The following SBNO2 variants were observed in gnomAD, a reference collection of about 807,000 sequenced individuals.
The protein encoded by SBNO2 is protein strawberry notch homolog 2.
SBNO2 carries 89 observed loss-of-function variants against 146.3 expected under a neutral mutation model. That is an observed-to-expected ratio of 0.61 (90% CI 0.51 to 0.73). The LOEUF is 0.73. SBNO2 is among the 30% of genes least tolerant of loss of function. The pLI, the probability that SBNO2 is intolerant of heterozygous loss-of-function variation, is 0.00. For missense variants in SBNO2, 2,092 were observed against 2,003.7 expected (o/e 1.04, Z -0.84); for synonymous variants, 1,147 against 892.6 (o/e 1.29, Z -5.08).
In SBNO2 at chr19:1,110,325, A is replaced by T. The variant is rs2079740767; in HGVS notation, c.3028+420T>A. Among the ~76,000 whole-genome samples the T allele has an allele frequency of 6.6e-6, 1 of 152,022 alleles. No individual in the cohort carries two copies. The highest frequency in any genetic ancestry group is 2.4e-5 in the African/African-American group (1 of 41,318). On this transcript the variant is annotated intron_variant, in intron 26 of 31. Coordinates refer to ENST00000361757, the MANE Select transcript of SBNO2 (RefSeq NM_014963.3). The surrounding 1 kb of genome is among the most constrained non-coding windows in gnomAD (Gnocchi z 4.9). Reference sequence around the variant, plus strand: ...GGCTCGCCGGCCTTTCGTTCACAACAATGTAGCAGGTGCCCCGTGAAGCCT... The same window carrying T: ...GGCTCGCCGGCCTTTCGTTCACAACTATGTAGCAGGTGCCCCGTGAAGCCT...
At chr19:1,161,698 T>A (rs1335159597) in intron 1 of SBNO2, among the ~76,000 whole-genome samples, 1 of 151,828 alleles carries the variant, frequency 6.6e-6, no homozygotes, top group Non-Finnish European at 1.5e-5. Flanking sequence ...GCTTTCTACC[T>A]CTCCTCTTGA....
At chr19:1,135,594 C>T (rs1481924759) in intron 4 of SBNO2, among the ~76,000 whole-genome samples, 1 of 152,222 alleles carries the variant, frequency 6.6e-6, no homozygotes, top group Non-Finnish European at 1.5e-5. Flanking sequence ...CAGTCCTGGG[C>T]TCCCGTGGCC....
chr19:1,118,185 T>C (rs1452183734), intron 14 of SBNO2, among the ~76,000 whole-genome samples: 1 of 151,798 alleles, frequency 6.6e-6, no homozygotes, highest in Non-Finnish European at 1.5e-5. Context: ...ACCAAAAATA[T>C]AAAATTGGCC....
In SBNO2 at chr19:1,108,572, G is replaced by A. The variant is rs1166731966; in HGVS notation, c.3749C>T (p.Pro1250Leu). The A allele has an allele frequency of 7.9e-6, 10 of 1,258,018 alleles. No homozygotes were observed. The highest frequency in any genetic ancestry group is 1.0e-5 in the Non-Finnish European group (10 of 1,004,054). The allele number at this position is 1,258,018 out of a possible 1,614,324, so 77.9% of individuals were successfully genotyped here. ...APPAPRPLAL[P>L]CGPGEVLDLT... ...GTCCAGCACCTCTCCGGGGCCGCAA[G>A]GCAGCGCCAGCGGGCGCGGGGCGGG... is the stretch of plus-strand genomic sequence containing the variant. Residue 1250 changes from proline to leucine, a missense_variant, in exon 32 of 32, where the codon CCT becomes CTT. By Grantham distance (98) the Pro-to-Leu change is moderately conservative. Transcript: ENST00000361757.
At chr19:1,154,472 C>G in intron 1 of SBNO2, 70 bp from the exon 2 acceptor site, 1 of 384,726 alleles carries the variant, frequency 2.6e-6, no homozygotes, top group Non-Finnish European at 4.6e-6. Context: ...GGCCGCCTCT[C>G]CCTCGGGCAT....
At chr19:1,156,977 CACAGCCCTGCCTTTCCGCCCACT>C (rs2080296208) in intron 1 of SBNO2, among the ~76,000 whole-genome samples, 1 of 151,432 alleles carries the variant, frequency 6.6e-6, no homozygotes, top group Non-Finnish European at 1.5e-5. Context: ...CCTCAGGACC[CACAGCCCTGCCTTTCCGCCCACT>C]GCCAGCCCCC....
In SBNO2 at chr19:1,166,175, C is replaced by T. The variant is rs982527669; in HGVS notation, c.-127+7997G>A. ...GATCCCAGACTTCAGATCCCCAGACCCCAGATCCCAGACTTCAGATCCCCG... is the reference window on the plus strand; with the variant it reads ...GATCCCAGACTTCAGATCCCCAGACTCCAGATCCCAGACTTCAGATCCCCG... On this transcript the variant is annotated intron_variant, in intron 1 of 31. Coordinates refer to ENST00000361757, the MANE Select transcript of SBNO2 (RefSeq NM_014963.3). Among the ~76,000 whole-genome samples the T allele has an allele frequency of 2.2e-5, 3 of 136,848 alleles. No individual in the cohort carries two copies. The South Asian group carries it at 7.3e-4, about 33-fold the overall frequency. 89.8% of individuals were successfully genotyped at this position (136,848 alleles called of 152,430 possible).
At chr19:1,131,948 G>A (rs2080033492) in intron 4 of SBNO2, 2 of 522,998 alleles carry the variant, frequency 3.8e-6, no homozygotes, top group Non-Finnish European at 6.5e-6. Flanking sequence ...GCGGGGTGGG[G>A]ATTTTTTTAG....
At chr19:1,147,587 G>T (rs2080205378) in intron 3 of SBNO2, among the ~76,000 whole-genome samples, 167 bp from the exon 4 acceptor site, 1 of 151,984 alleles carries the variant, frequency 6.6e-6, no homozygotes, top group Non-Finnish European at 1.5e-5. Flanking sequence ...GGGGCCTCCA[G>T]GGGGGTGGTG....
intron 2 of SBNO2, 37 bp from the exon 3 acceptor site, chr19:1,149,479 G>A: frequency 1.3e-6 from 2 of 1,537,372 alleles, no homozygotes; most frequent in Non-Finnish European, 8.8e-7. Context: ...GTGGGAAGCA[G>A]AGGACCTGCG....
At chr19:1,121,185 G>A (rs1412847629) in intron 11 of SBNO2, among the ~76,000 whole-genome samples, 3 of 152,200 alleles carry the variant, frequency 2.0e-5, no homozygotes, top group African/African-American at 7.2e-5. Flanking sequence ...CACTGCACCC[G>A]GCCAGGTTCT....
At chr19:1,172,579 A>G (rs1328075844) in intron 1 of SBNO2, among the ~76,000 whole-genome samples, 2 of 152,162 alleles carry the variant, frequency 1.3e-5, no homozygotes, top group African/African-American at 4.8e-5. Context: ...CCGAAACAGC[A>G]CAGCACCCCT....
At chr19:1,116,269 C>T (rs933079691) in intron 16 of SBNO2, among the ~76,000 whole-genome samples, 166 bp from the exon 17 acceptor site, 1 of 152,016 alleles carries the variant, frequency 6.6e-6, no homozygotes, top group Non-Finnish European at 1.5e-5. Flanking sequence ...CTGGGGGCTG[C>T]CTGTGAGCTC....
rs1280465379 is a variant in SBNO2 at position 1,109,911 on chromosome 19, C to A, written c.3029-134G>T. On this transcript the variant is annotated intron_variant, in intron 26 of 31. Transcript: ENST00000361757. This position sits in a 1 kb window ranked among gnomAD's most constrained non-coding sequence, Gnocchi z 4.2. ...CAGGAGAGGGTGTCCTGGATCCTGG[C>A]CTGACCTGGCCCAGCGTGGGGATGG... is the stretch of plus-strand genomic sequence containing the variant. The A allele has an allele frequency of 1.1e-5, 7 of 657,554 alleles. No homozygotes were observed. The highest frequency in any genetic ancestry group is 5.5e-5 in the East Asian group (2 of 36,476). The allele number at this position is 657,554 out of a possible 1,614,324, so 40.7% of individuals were successfully genotyped here.
intron 14 of SBNO2, among the ~76,000 whole-genome samples, chr19:1,118,648 C>A (rs1399253240): frequency 6.6e-6 from 1 of 152,210 alleles, no homozygotes; most frequent in Non-Finnish European, 1.5e-5. Flanking sequence ...GCGGGCAGAT[C>A]ACTTGCGGTC....
intron 1 of SBNO2, among the ~76,000 whole-genome samples, chr19:1,162,975 C>T (rs1029626980): frequency 2.6e-5 from 4 of 152,072 alleles, no homozygotes; most frequent in Admixed American, 2.0e-4. Context: ...GTGCTGGGGA[C>T]GTATGGGGGC....
At chr19:1,149,316 G>C in intron 3 of SBNO2, 53 bp downstream of exon 3, 3 of 1,489,300 alleles carry the variant, frequency 2.0e-6, no homozygotes, top group South Asian at 1.2e-5. Flanking sequence ...TTGTAACTGT[G>C]ACTTCAGAAT....
rs1213142545 is a variant in SBNO2 at position 1,108,469 on chromosome 19, G to A, written c.3852C>T (p.Ala1284=). 8.2e-6 allele frequency: 10 copies of A among 1,226,344 alleles called. No homozygotes were observed. The Middle Eastern group carries it at 1.0e-3, about 122-fold the overall frequency. 76.0% of individuals were successfully genotyped at this position (1,226,344 alleles called of 1,614,324 possible). The part of the protein sequence containing the change: ...FSFPAPLSLD[A]GPGVVPLGTP... Reference sequence around the variant, plus strand: ...TGCCCAGCGGCACGACGCCGGGGCCGGCGTCCAGGGACAGCGGCGCCGGGA... The same window carrying A: ...TGCCCAGCGGCACGACGCCGGGGCCAGCGTCCAGGGACAGCGGCGCCGGGA... The change falls in exon 32 of 32, where the codon GCC becomes GCT. Residue 1284 remains alanine, a synonymous_variant. Coordinates refer to ENST00000361757, the MANE Select transcript of SBNO2 (RefSeq NM_014963.3).
In SBNO2 at chr19:1,108,279, C is replaced by CG. The variant is rs984715964; in HGVS notation, c.4041dup (p.Glu1348ArgfsTer24). On this transcript the variant is annotated frameshift_variant, in exon 32 of 32. Transcript: ENST00000361757. LOFTEE classifies it high-confidence loss of function. ...CTGAACTGGATCACGCTCTGCCGCTCGGGACCACCGCCCGCCGCGCCCCCC... is the reference window on the plus strand; with the variant it reads ...CTGAACTGGATCACGCTCTGCCGCTCGGGGACCACCGCCCGCCGCGCCCCCC... The CG allele has an allele frequency of 6.4e-5, 96 of 1,510,706 alleles. No individual in the cohort carries two copies. In the Admixed American group the frequency reaches 1.6e-3, roughly 24 times the overall value. 93.6% of individuals were successfully genotyped at this position (1,510,706 alleles called of 1,614,324 possible).
Sources: gnomAD v4.1 joint callset for allele counts (sites outside exome capture counted in the v4.1 genomes callset) on GRCh38, gnomAD v4.1.1 for gene constraint, Gnocchi (gnomAD v3.1) non-coding constraint, MANE v1.5 for transcripts, NCBI Gene and HGNC (gene_info 2026-07-23, HGNC 2026-07-21) for gene names.